The following HEATR5B variants were observed in gnomAD, a reference collection of about 807,000 sequenced individuals.
HEATR5B encodes HEAT repeat containing 5B, also known as HEAT repeat-containing protein 5B.
HEATR5B carries 156 observed loss-of-function variants against 224.1 expected under a neutral mutation model. That is an observed-to-expected ratio of 0.70 (90% confidence interval 0.61 to 0.80). The LOEUF is 0.80. Ranked by LOEUF, HEATR5B falls within the 30% of genes least tolerant of loss-of-function variation. HEATR5B has a pLI of 0.00. For synonymous variants in HEATR5B, 1,027 were observed against 893.0 expected, an observed-to-expected ratio of 1.15 and a Z score of -2.68; for missense variants, 2,323 against 2,535.5, an observed-to-expected ratio of 0.92 and a Z score of 1.80.
intron 24 of HEATR5B, among the ~76,000 whole-genome samples, chr2:37,026,823 G>C (rs551502466): frequency 1.3e-5 from 2 of 152,200 alleles, no homozygotes; most frequent in Non-Finnish European, 2.9e-5. Flanking sequence ...TTTTGAGACA[G>C]AGTCTTGCTC....
intron 3 of HEATR5B, among the ~76,000 whole-genome samples, chr2:37,078,537 G>C (rs951210159): frequency 1.3e-5 from 2 of 152,144 alleles, no homozygotes; most frequent in African/African-American, 4.8e-5. Flanking sequence ...AAACTAGAAA[G>C]TACTGGTACT....
At chr2:36,985,621 C>CTTTTTTTTT (rs558499229) in intron 35 of HEATR5B, among the ~76,000 whole-genome samples, 1 of 92,298 alleles carries the variant, frequency 1.1e-5, no homozygotes, top group Non-Finnish European at 2.1e-5. Flanking sequence ...CCACTCCTGG[C>CTTTTTTTTT]TTTTTTTTTT....
chr2:37,056,625 A>G lies in HEATR5B; in HGVS notation c.2224-10T>C. ...CACTGTTTGGCTGGAGCTGCAAAAG[A>G]GTGAAATAAAAATTATTCAAAATCT... On this transcript the variant is annotated splice_polypyrimidine_tract_variant and intron_variant, in intron 15 of 35. Coordinates refer to ENST00000233099, the MANE Select transcript of HEATR5B (RefSeq NM_019024.3). The G allele has an allele frequency of 1.3e-6, 2 of 1,576,430 alleles. No individual in the cohort carries two copies. The highest frequency in any genetic ancestry group is 1.7e-6 in the Non-Finnish European group (2 of 1,162,646).
intron 4 of HEATR5B, 84 bp downstream of exon 4, chr2:37,076,827 C>T: frequency 2.0e-6 from 2 of 1,015,032 alleles, no homozygotes; most frequent in African/African-American, 1.6e-5. Context: ...ACCACAGTGA[C>T]AGAAAAAGAA....
intron 21 of HEATR5B, among the ~76,000 whole-genome samples, chr2:37,035,263 T>C (rs1310221178): frequency 2.6e-5 from 4 of 152,246 alleles, no homozygotes; most frequent in South Asian, 2.1e-4. Context: ...ACATCTGTGA[T>C]ATTAGAGTTG....
At chr2:37,068,978 C>A in intron 7 of HEATR5B, 48 bp from the exon 8 acceptor site, 1 of 1,555,538 alleles carries the variant, frequency 6.4e-7, no homozygotes, top group Non-Finnish European at 8.7e-7. Context: ...CATAACTGAA[C>A]AGAAATCAAA....
chr2:37,063,837 A>G (rs182577697), intron 10 of HEATR5B, among the ~76,000 whole-genome samples: 2 of 152,270 alleles, frequency 1.3e-5, no homozygotes, highest in African/African-American at 4.8e-5. Flanking sequence ...TTTGAGACGG[A>G]GTCTTTCTCT....
intron 33 of HEATR5B, 87 bp downstream of exon 33, chr2:37,000,499 C>A (rs1391585896): frequency 1.0e-6 from 1 of 952,554 alleles, no homozygotes; most frequent in Non-Finnish European, 1.7e-6. Flanking sequence ...TGTTATACAG[C>A]AGTTTTCTGA....
chr2:37,032,571 T>C, intron 22 of HEATR5B, 58 bp downstream of exon 22: 1 of 1,413,318 alleles, frequency 7.1e-7, no homozygotes, highest in Non-Finnish European at 9.8e-7. Context: ...AAATAGTACT[T>C]AACTGAAATG....
intron 28 of HEATR5B, among the ~76,000 whole-genome samples, chr2:37,007,663 A>C (rs1394451884): frequency 6.6e-6 from 1 of 152,146 alleles, no homozygotes; most frequent in Non-Finnish European, 1.5e-5. Context: ...ATGTTCGCTC[A>C]TTTATGAACC....
intron 31 of HEATR5B, among the ~76,000 whole-genome samples, chr2:37,003,023 C>G (rs1667189803): frequency 6.6e-6 from 1 of 151,944 alleles, no homozygotes; most frequent in African/African-American, 2.4e-5. Flanking sequence ...CTTTGGGATG[C>G]TGAGATGGAC....
At chr2:37,019,451 CCTCT>C (rs1000423262) in intron 26 of HEATR5B, among the ~76,000 whole-genome samples, 17 of 151,436 alleles carry the variant, frequency 1.1e-4, no homozygotes, top group African/African-American at 1.7e-4. Context: ...TTTTGTTTTT[CCTCT>C]CTCTCTTTTT....
chr2:37,068,580 CAG>C (rs1671720280), intron 8 of HEATR5B, 99 bp downstream of exon 8: 1 of 1,261,222 alleles, frequency 7.9e-7, no homozygotes. Flanking sequence ...TGAAAACACA[CAG>C]AAAGATAAAC....
intron 25 of HEATR5B, 71 bp from the exon 26 acceptor site, chr2:37,019,948 G>T: frequency 1.8e-6 from 2 of 1,098,374 alleles, no homozygotes; most frequent in Non-Finnish European, 2.7e-6. Flanking sequence ...CTATCACCCA[G>T]GCTGGAGTGC....
chr2:37,037,545 C>G (rs1474984393), intron 21 of HEATR5B, among the ~76,000 whole-genome samples: 1 of 151,842 alleles, frequency 6.6e-6, no homozygotes, highest in Non-Finnish European at 1.5e-5. Context: ...CATAAAATGA[C>G]AACTGAAGTT....
At chr2:37,039,213 T>A (rs1006476679) in intron 20 of HEATR5B, among the ~76,000 whole-genome samples, 5 of 150,198 alleles carry the variant, frequency 3.3e-5, no homozygotes, top group Non-Finnish European at 7.4e-5. Context: ...ACGCCTGTAA[T>A]CCCAGCACTT....
Position 37,084,310 on chromosome 2 carries a change from G to A in HEATR5B, c.-64C>T, listed in dbSNP as rs1016609721. The A allele has an allele frequency of 5.0e-6, 2 of 399,622 alleles. No individual in the cohort carries two copies. Among genetic ancestry groups the A allele is most frequent in the South Asian group, 1.4e-4 (1 of 7,072 alleles). 24.8% of individuals were successfully genotyped at this position (399,622 alleles called of 1,614,324 possible). On this transcript the variant is annotated 5_prime_UTR_variant, in exon 1 of 36. Transcript: ENST00000233099. ...GAAGATCAGCTGAGCTCCGGGGGTA[G>A]AAGCAGCCACCAAGAGACCCGGATG...
chr2:37,051,774 C>G (rs530491805), intron 17 of HEATR5B, among the ~76,000 whole-genome samples: 1 of 151,990 alleles, frequency 6.6e-6, no homozygotes, highest in African/African-American at 2.4e-5. Context: ...GAGTCTTGCT[C>G]TGTCCCCCAG....
chr2:37,082,084 T>TC lies in HEATR5B; in HGVS notation c.126+1204_126+1205insG, dbSNP rs1436461757. Among the ~76,000 whole-genome samples the TC allele has an allele frequency of 9.7e-5, 12 of 123,534 alleles. 2 individuals carry two copies. The highest frequency in any genetic ancestry group is 1.7e-4 in the Non-Finnish European group (10 of 58,840). 81.0% of individuals were successfully genotyped at this position (123,534 alleles called of 152,430 possible). ...TTTTTTTTTTTTTTTTTTTTTTTTT[T>TC]TTCAGATGGAGTTTCACTCTTGTCC... On this transcript the variant is annotated intron_variant, in intron 2 of 35. Transcript: ENST00000233099.
Sources: allele counts gnomAD v4.1 joint callset (sites outside exome capture counted in the v4.1 genomes callset), GRCh38; gene constraint gnomAD v4.1.1; transcripts MANE v1.5; gene names NCBI Gene and HGNC (gene_info 2026-07-23, HGNC 2026-07-21).